LINGO2: variants seen among roughly 807,000 people sequenced by gnomAD.
The protein encoded by LINGO2 is leucine rich repeat and Ig domain containing 2.
LINGO2 carries 14 observed loss-of-function variants against 30.6 expected under a neutral mutation model. That is an observed-to-expected ratio of 0.46 (90% CI 0.30 to 0.72). LINGO2 has a LOEUF of 0.72. LINGO2 is among the 30% of genes least tolerant of loss of function. LINGO2 has a pLI of 0.07. For missense variants in LINGO2, 729 were observed against 751.7 expected (o/e 0.97, Z 0.35); for synonymous variants, 317 against 288.5 (o/e 1.10, Z -1.00).
chr9:28,552,475 G>A (rs921706027), intron 1 of LINGO2, among the ~76,000 whole-genome samples: 1 of 151,956 alleles, frequency 6.6e-6, no homozygotes, highest in Non-Finnish European at 1.5e-5. Flanking sequence ...TCATATTAAT[G>A]TTCCCTCCAA....
the LINGO2 span, among the ~76,000 whole-genome samples, chr9:29,047,051 A>AAAAAAAAAAAAAC: frequency 9.8e-3 from 1,046 of 106,696 alleles, 96 homozygotes; most frequent in African/African-American, 0.029. Context: ...AAAAAAAAAA[A>AAAAAAAAAAAAAC]CCAAAAACAA....
intron 4 of LINGO2, among the ~76,000 whole-genome samples, chr9:28,193,411 T>C (rs1396599279): frequency 2.6e-5 from 4 of 152,200 alleles, no homozygotes; most frequent in African/African-American, 7.2e-5. Flanking sequence ...AATTTAAGGA[T>C]TTGGAAAGGT....
At chr9:27,972,344 A>G (rs892232729) in intron 5 of LINGO2, among the ~76,000 whole-genome samples, 1 of 150,080 alleles carries the variant, frequency 6.7e-6, no homozygotes, top group African/African-American at 2.5e-5. Flanking sequence ...TCTGAGGAGA[A>G]TAGCAACATT....
chr9:28,812,653 C>A, the LINGO2 span, among the ~76,000 whole-genome samples: 2 of 152,120 alleles, frequency 1.3e-5, no homozygotes, highest in Non-Finnish European at 2.9e-5. Context: ...CTAATTGAAG[C>A]AGTAAGTTCC....
At chr9:29,201,469 A>C in the LINGO2 span, among the ~76,000 whole-genome samples, 1 of 152,090 alleles carries the variant, frequency 6.6e-6, no homozygotes, top group Non-Finnish European at 1.5e-5. Flanking sequence ...TACTATATGA[A>C]AGTTATCAAT....
At chr9:28,395,413 T>C (rs1821998750) in intron 2 of LINGO2, among the ~76,000 whole-genome samples, 1 of 152,202 alleles carries the variant, frequency 6.6e-6, no homozygotes, top group Non-Finnish European at 1.5e-5. Context: ...ATTAGAAGTT[T>C]AGAAGAGTAT....
At chr9:28,262,406 T>C (rs536368361) in intron 4 of LINGO2, among the ~76,000 whole-genome samples, 7 of 152,040 alleles carry the variant, frequency 4.6e-5, no homozygotes, top group Admixed American at 4.6e-4. Flanking sequence ...AAATTGAATT[T>C]GAATCAACAA....
Position 28,161,022 on chromosome 9 carries a change from C to T in LINGO2, c.-87+134186G>A, listed in dbSNP as rs541768761. Among the ~76,000 whole-genome samples, 17 of 152,242 alleles carry T rather than the reference C, an allele frequency of 1.1e-4. No homozygotes were observed. The East Asian group carries it at 2.9e-3, about 26-fold the overall frequency. ...TGGTGGAGACTTCCCAAAGTGGCCT[C>T]GGCTCCATAGAATCTCTGCCATTGC... On this transcript the variant is annotated intron_variant, in intron 4 of 5. Transcript: ENST00000379992.
the LINGO2 span, among the ~76,000 whole-genome samples, chr9:29,087,065 C>T: frequency 1.1e-4 from 16 of 152,110 alleles, no homozygotes; most frequent in Non-Finnish European, 1.5e-4. Flanking sequence ...TTAGTAGAGA[C>T]GGGGTTTCAC....
At chr9:28,409,046 C>T (rs1386122250) in intron 2 of LINGO2, among the ~76,000 whole-genome samples, 2 of 151,980 alleles carry the variant, frequency 1.3e-5, no homozygotes, top group African/African-American at 2.4e-5. Context: ...CAGTAATCAC[C>T]CCCTCCCTTG....
chr9:28,826,038 T>C, the LINGO2 span, among the ~76,000 whole-genome samples: 1 of 152,180 alleles, frequency 6.6e-6, no homozygotes, highest in East Asian at 1.9e-4. Flanking sequence ...TGAATGATAA[T>C]TCAGTTACCT....
the LINGO2 span, among the ~76,000 whole-genome samples, chr9:28,845,396 A>C: frequency 2.0e-5 from 3 of 152,026 alleles, no homozygotes; most frequent in South Asian, 6.2e-4. Flanking sequence ...ATAAAATAAG[A>C]ATTGCCTTTC....
chr9:28,237,274 A>G (rs1024932372), intron 4 of LINGO2, among the ~76,000 whole-genome samples: 13 of 152,150 alleles, frequency 8.5e-5, no homozygotes, highest in Non-Finnish European at 1.9e-4. Flanking sequence ...TTGAAAAAGC[A>G]TACAATAGAT....
intron 4 of LINGO2, among the ~76,000 whole-genome samples, chr9:28,194,093 C>A (rs1819922633): frequency 6.6e-6 from 1 of 152,124 alleles, no homozygotes; most frequent in Admixed American, 6.6e-5. Flanking sequence ...GGAGAGGACA[C>A]AGGCTCCACC....
chr9:28,597,563 T>C (rs923195108), intron 1 of LINGO2, among the ~76,000 whole-genome samples: 1 of 152,164 alleles, frequency 6.6e-6, no homozygotes, highest in Non-Finnish European at 1.5e-5. Flanking sequence ...AGGTCTTTTG[T>C]TCAAGTCTTT....
chr9:28,697,414 T>A, the LINGO2 span, among the ~76,000 whole-genome samples: 12 of 151,970 alleles, frequency 7.9e-5, no homozygotes, highest in Non-Finnish European at 1.2e-4. Context: ...CGACTATATA[T>A]TTTTTAAAAA....
intron 1 of LINGO2, among the ~76,000 whole-genome samples, chr9:28,559,561 A>T (rs890609170): frequency 6.6e-6 from 1 of 152,072 alleles, no homozygotes; most frequent in Non-Finnish European, 1.5e-5. Flanking sequence ...TTGGTATATG[A>T]CTGTGTAATA....
At chr9:28,439,439 G>A (rs1178353055) in intron 2 of LINGO2, among the ~76,000 whole-genome samples, 1 of 152,068 alleles carries the variant, frequency 6.6e-6, no homozygotes, top group Non-Finnish European at 1.5e-5. Flanking sequence ...ATGTGATATG[G>A]TTTGGTTCTG....
At chr9:28,506,384 T>G (rs1266520600) in intron 1 of LINGO2, among the ~76,000 whole-genome samples, 2 of 143,674 alleles carry the variant, frequency 1.4e-5, no homozygotes, top group Admixed American at 7.2e-5. Flanking sequence ...TAGTTTTAAT[T>G]GAGGGCTTCT....
Sources: gnomAD v4.1 joint callset for allele counts (sites outside exome capture counted in the v4.1 genomes callset) on GRCh38, gnomAD v4.1.1 for gene constraint, MANE v1.5 for transcripts, NCBI Gene and HGNC (gene_info 2026-07-23, HGNC 2026-07-21) for gene names.